The following SMCO2 variants were observed in gnomAD, a reference collection of about 807,000 sequenced individuals.
The protein encoded by SMCO2 is single-pass membrane and coiled-coil domain-containing protein 2.
A neutral mutation model predicts 29.5 loss-of-function variants in SMCO2; 25 were observed. The observed-to-expected ratio is 0.85, with a 90% CI of 0.62 to 1.18. The LOEUF is 1.18. SMCO2 is among the 50% of genes most tolerant of loss of function. The pLI is 0.00. For synonymous variants in SMCO2, 117 were observed against 123.3 expected (o/e 0.95, Z 0.34); for missense variants, 348 against 344.5 (o/e 1.01, Z -0.08).
At chr12:27,476,831 T>C (rs1379617693) in intron 4 of SMCO2, among the ~76,000 whole-genome samples, 1 of 152,096 alleles carries the variant, frequency 6.6e-6, no homozygotes, top group African/African-American at 2.4e-5. Flanking sequence ...AAATGGGTAA[T>C]GTAATCCATT....
chr12:27,434,935 TC>T, the SMCO2 span, among the ~76,000 whole-genome samples: 4 of 152,116 alleles, frequency 2.6e-5, no homozygotes, highest in Non-Finnish European at 5.9e-5. Flanking sequence ...AAGGTTCCAC[TC>T]ACAACCACCA....
At chr12:27,485,078 T>C (rs2135562743) in intron 4 of SMCO2, among the ~76,000 whole-genome samples, 1 of 151,910 alleles carries the variant, frequency 6.6e-6, no homozygotes, top group East Asian at 1.9e-4. Context: ...ATTACATGTG[T>C]CTTAGGCCAC....
the SMCO2 span, among the ~76,000 whole-genome samples, chr12:27,440,987 G>C: frequency 6.6e-6 from 1 of 152,190 alleles, no homozygotes; most frequent in Non-Finnish European, 1.5e-5. Context: ...GCTGGGGATG[G>C]TGGCTCATGC....
chr12:27,462,656 A>G (rs1004179171), upstream of SMCO2, among the ~76,000 whole-genome samples: 5 of 152,214 alleles, frequency 3.3e-5, no homozygotes, highest in African/African-American at 1.2e-4. Flanking sequence ...AGTAGTGTGC[A>G]GATATCTGTC....
At chr12:27,470,665 A>C in exon 2 of SMCO2, 1 of 1,551,196 alleles carries the variant, frequency 6.4e-7, no homozygotes. Context: ...AAATAACAAA[A>C]TGTCTCTGCA....
the SMCO2 span, among the ~76,000 whole-genome samples, chr12:27,442,712 C>T: frequency 6.6e-6 from 1 of 152,210 alleles, no homozygotes; most frequent in Non-Finnish European, 1.5e-5. Context: ...CCTCAGCCTC[C>T]TGGGCTCAAG....
intron 1 of SMCO2, among the ~76,000 whole-genome samples, chr12:27,469,205 A>G (rs1166872707): frequency 2.0e-5 from 3 of 152,220 alleles, no homozygotes; most frequent in South Asian, 4.1e-4. Flanking sequence ...GGAAATGGAC[A>G]AAACTGTCCA....
chr12:27,488,222 A>AC (rs576228066), intron 4 of SMCO2, among the ~76,000 whole-genome samples: 337 of 152,114 alleles, frequency 2.2e-3, no homozygotes, highest in Admixed American at 6.7e-3. Flanking sequence ...TTATATTTTA[A>AC]CCCTTTTAAT....
chr12:27,459,629 AAAAT>A, the SMCO2 span, among the ~76,000 whole-genome samples: 1 of 152,322 alleles, frequency 6.6e-6, no homozygotes, highest in South Asian at 2.1e-4. Context: ...AATAAAAGTT[AAAAT>A]AAATAAATAA....
At chr12:27,447,351 G>T in the SMCO2 span, among the ~76,000 whole-genome samples, 27 of 152,232 alleles carry the variant, frequency 1.8e-4, 1 homozygote, top group African/African-American at 5.1e-4. Context: ...TGGGGAAGCT[G>T]TCACCACCGA....
chr12:27,490,250 G>C (rs566356628), intron 5 of SMCO2, among the ~76,000 whole-genome samples: 2 of 152,210 alleles, frequency 1.3e-5, no homozygotes, highest in Non-Finnish European at 2.9e-5. Context: ...AAAGAAGCCA[G>C]ATTCAGAAGA....
At chr12:27,481,499 G>A (rs1949643373) in intron 4 of SMCO2, among the ~76,000 whole-genome samples, 1 of 152,160 alleles carries the variant, frequency 6.6e-6, no homozygotes, top group South Asian at 2.1e-4. Context: ...AAACCATTAA[G>A]ATTTTCCCCG....
chr12:27,440,554 G>T, the SMCO2 span, among the ~76,000 whole-genome samples: 3 of 151,372 alleles, frequency 2.0e-5, no homozygotes, highest in Admixed American at 6.6e-5. Flanking sequence ...AGAGCAACCT[G>T]TTAAGAGACA....
At chr12:27,457,485 T>A in the SMCO2 span, among the ~76,000 whole-genome samples, 9 of 152,224 alleles carry the variant, frequency 5.9e-5, no homozygotes, top group African/African-American at 2.2e-4. Flanking sequence ...CATTACATAG[T>A]CTTTTGTGAG....
At chr12:27,472,194 T>C (rs1031189249) in intron 2 of SMCO2, among the ~76,000 whole-genome samples, 2 of 152,218 alleles carry the variant, frequency 1.3e-5, no homozygotes, top group Admixed American at 1.3e-4. Flanking sequence ...CTTTGATGTA[T>C]ACACAGAATG....
chr12:27,434,521 G>A, the SMCO2 span, among the ~76,000 whole-genome samples: 10 of 152,132 alleles, frequency 6.6e-5, no homozygotes, highest in Admixed American at 2.6e-4. Flanking sequence ...TCCTTCTGTA[G>A]CAAAATTGAG....
At chr12:27,462,292 T>C (rs998196111), upstream of SMCO2, among the ~76,000 whole-genome samples, 4 of 152,166 alleles carry the variant, frequency 2.6e-5, no homozygotes. Context: ...AAGAACTTTC[T>C]TTACTATCAT....
In SMCO2 at chr12:27,494,299, G is replaced by A; in HGVS notation, c.451-1G>A. ...ACCCAGAATTGTGGATGTGTTTTTA[G>A]GTGAATACTTGTAATGAAGTTTATG... On this transcript the variant is annotated splice_acceptor_variant, in intron 5 of 7. Transcript: ENST00000298876. LOFTEE classifies it high-confidence loss of function. The A allele has an allele frequency of 6.7e-7, 1 of 1,493,808 alleles. No homozygotes were observed. The highest frequency in any genetic ancestry group is 8.9e-7 in the Non-Finnish European group (1 of 1,119,638). 92.5% of individuals were successfully genotyped at this position (1,493,808 alleles called of 1,614,324 possible). A position where few individuals can be genotyped will look rare whatever the true frequency, so the allele number is the denominator to read the frequency against.
chr12:27,435,221 T>C, the SMCO2 span, among the ~76,000 whole-genome samples: 1 of 139,046 alleles, frequency 7.2e-6, no homozygotes, highest in South Asian at 2.6e-4. Context: ...TGGGAGCCTG[T>C]CCGGTGCACT....
Sources: gnomAD v4.1 joint callset for allele counts (sites outside exome capture counted in the v4.1 genomes callset) on GRCh38, gnomAD v4.1.1 for gene constraint, MANE v1.5 for transcripts, NCBI Gene and HGNC (gene_info 2026-07-23, HGNC 2026-07-21) for gene names.